Variants in SLC9A9 observed in about 807,000 individuals in gnomAD.
The protein encoded by SLC9A9 is solute carrier family 9 member A9.
SLC9A9 carries 62 observed loss-of-function variants against 77.8 expected under a neutral mutation model. The observed-to-expected ratio is 0.80, with a 90% CI of 0.65 to 0.98. SLC9A9 has a LOEUF of 0.98. Among genes scored for constraint, SLC9A9 ranks in the 50% least tolerant of loss-of-function variants. The pLI, the probability that SLC9A9 is intolerant of heterozygous loss-of-function variation, is 0.00. For missense variants in SLC9A9, 775 were observed against 774.9 expected (o/e 1.00, Z 0.00); for synonymous variants, 320 against 283.5 (o/e 1.13, Z -1.29).
chr3:143,541,081 C>A (rs921986361), intron 9 of SLC9A9, among the ~76,000 whole-genome samples: 2 of 152,186 alleles, frequency 1.3e-5, no homozygotes, highest in Non-Finnish European at 2.9e-5. Flanking sequence ...TCCCCCACCA[C>A]CACTTCAAAA....
intron 12 of SLC9A9, among the ~76,000 whole-genome samples, chr3:143,394,037 T>G (rs1340598675): frequency 6.6e-6 from 1 of 152,120 alleles, no homozygotes; most frequent in East Asian, 1.9e-4. Flanking sequence ...GAGGAGCTGG[T>G]ACCATTCCTT....
At chr3:143,387,626 G>A (rs1319038053) in intron 12 of SLC9A9, among the ~76,000 whole-genome samples, 10 of 151,938 alleles carry the variant, frequency 6.6e-5, no homozygotes, top group African/African-American at 7.3e-5. Flanking sequence ...ATCTCACTCC[G>A]GGTTCCTCAT....
rs116036177 is a variant in SLC9A9, at chr3:143,662,678, C to T, written c.650-10318G>A. ...CCTATGCCTGTCTCGGTGGGTCCTA[C>T]GCCCACGGAGCCTTGCTCACTGCTA... On this transcript the variant is annotated intron_variant, in intron 5 of 15. Transcript: ENST00000316549. Among the ~76,000 whole-genome samples, 711 of 149,976 alleles carry T rather than the reference C, an allele frequency of 4.7e-3. 6 individuals carry two copies. The highest frequency in any genetic ancestry group is 0.016 in the African/African-American group (672 of 40,760).
At chr3:143,738,744 C>T (rs1353811722) in intron 4 of SLC9A9, among the ~76,000 whole-genome samples, 1 of 152,182 alleles carries the variant, frequency 6.6e-6, no homozygotes, top group African/African-American at 2.4e-5. Context: ...CCAAGACCCA[C>T]TTTTCAGATC....
intron 11 of SLC9A9, among the ~76,000 whole-genome samples, chr3:143,482,650 A>C (rs2035592315): frequency 6.6e-6 from 1 of 152,190 alleles, no homozygotes; most frequent in African/African-American, 2.4e-5. Context: ...GCCAGGGCTA[A>C]GTTGGGCTTG....
intron 10 of SLC9A9, 104 bp downstream of exon 10, chr3:143,495,231 G>T: frequency 1.0e-6 from 1 of 976,760 alleles, no homozygotes; most frequent in Non-Finnish European, 1.6e-6. Context: ...GAGCCTTGCA[G>T]TGGACTTTAG....
At chr3:143,614,184 G>A (rs2038067343) in intron 6 of SLC9A9, among the ~76,000 whole-genome samples, 2 of 152,158 alleles carry the variant, frequency 1.3e-5, no homozygotes, top group South Asian at 4.1e-4. Flanking sequence ...TACCATCTCT[G>A]AGGGTTAAGA....
At chr3:143,392,119 T>C (rs1444868271) in intron 12 of SLC9A9, among the ~76,000 whole-genome samples, 4 of 152,016 alleles carry the variant, frequency 2.6e-5, no homozygotes, top group Non-Finnish European at 4.4e-5. Context: ...ACATACTCCT[T>C]GAGAAGAGCA....
chr3:143,536,497 TTTTTAATGTAGCCTAACAG>T (rs2036590504), intron 9 of SLC9A9, among the ~76,000 whole-genome samples: 1 of 152,248 alleles, frequency 6.6e-6, no homozygotes, highest in Non-Finnish European at 1.5e-5. Flanking sequence ...AGATTCCCAT[TTTTTAATGTAGCCTAACAG>T]TTTTACATGC....
At chr3:143,578,841 G>A in intron 6 of SLC9A9, 118 bp from the exon 7 acceptor site, 1 of 1,212,512 alleles carries the variant, frequency 8.2e-7, no homozygotes, top group Admixed American at 1.7e-5. Flanking sequence ...CTGGTTGGAA[G>A]AGTTAGGGGA....
At chr3:143,543,801 C>A (rs111961845) in intron 9 of SLC9A9, among the ~76,000 whole-genome samples, 7,480 of 130,470 alleles carry the variant, frequency 0.057, 445 homozygotes, top group African/African-American at 0.13. Flanking sequence ...TTGATGGACA[C>A]CTAGATTGAT....
At chr3:143,838,436 G>T (rs540065183) in intron 1 of SLC9A9, among the ~76,000 whole-genome samples, 1 of 152,052 alleles carries the variant, frequency 6.6e-6, no homozygotes, top group East Asian at 1.9e-4. Flanking sequence ...AAGGTGGTCG[G>T]CAAGGTGGTC....
intron 4 of SLC9A9, 47 bp from the exon 5 acceptor site, chr3:143,693,354 T>G: frequency 7.1e-7 from 1 of 1,410,452 alleles, no homozygotes. Flanking sequence ...ATGAACCCTG[T>G]GTAAACCCAT....
intron 2 of SLC9A9, among the ~76,000 whole-genome samples, chr3:143,824,667 T>G (rs1267257667): frequency 6.6e-6 from 1 of 152,198 alleles, no homozygotes; most frequent in Admixed American, 6.5e-5. Context: ...AACCAATGCC[T>G]GGCAAGTGGC....
At chr3:143,704,639 G>A (rs779012498) in intron 4 of SLC9A9, among the ~76,000 whole-genome samples, 3 of 151,986 alleles carry the variant, frequency 2.0e-5, no homozygotes, top group Admixed American at 6.5e-5. Context: ...TTATTGCAGC[G>A]CTACTCACAA....
chr3:143,273,824 C>T (rs1475181497), intron 14 of SLC9A9, among the ~76,000 whole-genome samples: 1 of 152,232 alleles, frequency 6.6e-6, no homozygotes. Flanking sequence ...CAGCAATCAT[C>T]CCAGGTGACT....
intron 4 of SLC9A9, among the ~76,000 whole-genome samples, chr3:143,732,976 A>T (rs1194377246): frequency 1.3e-5 from 2 of 149,972 alleles, no homozygotes; most frequent in Admixed American, 6.6e-5. Context: ...CATCGAAACC[A>T]TCAATGACCT....
intron 14 of SLC9A9, among the ~76,000 whole-genome samples, chr3:143,345,360 A>G (rs936478338): frequency 1.3e-5 from 2 of 152,164 alleles, no homozygotes; most frequent in African/African-American, 4.8e-5. Context: ...GGAAATTCAG[A>G]GTATTGAGTT....
At chr3:143,590,220 T>C (rs2037623710) in intron 6 of SLC9A9, among the ~76,000 whole-genome samples, 1 of 152,234 alleles carries the variant, frequency 6.6e-6, no homozygotes, top group Non-Finnish European at 1.5e-5. Context: ...CATCTTCATC[T>C]GGAAAATGGT....
Sources: gnomAD v4.1 joint callset for allele counts (sites outside exome capture counted in the v4.1 genomes callset) on GRCh38, gnomAD v4.1.1 for gene constraint, MANE v1.5 for transcripts, NCBI Gene and HGNC (gene_info 2026-07-23, HGNC 2026-07-21) for gene names.